CDK13: variants seen among roughly 807,000 people sequenced by gnomAD.
CDK13 encodes cyclin-dependent kinase 13.
CDK13 carries 40 observed loss-of-function variants against 137.6 expected under a neutral mutation model. The observed-to-expected ratio is 0.29, with a 90% CI of 0.23 to 0.38. The LOEUF (loss-of-function observed/expected upper bound fraction) is 0.38. Among genes scored for constraint, CDK13 ranks in the 10% least tolerant of loss-of-function variants. The pLI, the probability that CDK13 is intolerant of heterozygous loss-of-function variation, is 1.00. For synonymous variants in CDK13, 869 were observed against 760.1 expected, an observed-to-expected ratio of 1.14 and a Z score of -2.36; for missense variants, 1,704 against 1,951.8, an observed-to-expected ratio of 0.87 and a Z score of 2.39.
rs774861403 is a variant in CDK13 at position 39,951,589 on chromosome 7, C to T, written c.948C>T (p.Leu316=). 18 of 1,500,360 alleles carry T rather than the reference C, an allele frequency of 1.2e-5. No homozygotes were observed. Among genetic ancestry groups the T allele is most frequent in the Non-Finnish European group, 1.6e-5 (18 of 1,126,680 alleles). 92.9% of individuals were successfully genotyped at this position (1,500,360 alleles called of 1,614,324 possible). ...AGGCCTACAGGCGGCGGCGGTCCCT[C>T]AGCCCACTGGGAGGCCGGGACGACA... is the stretch of plus-strand genomic sequence containing the variant. ...EPKAYRRRRS[L]SPLGGRDDSP... is the part of the protein sequence containing the mutation. Residue 316 remains leucine (L), a synonymous_variant, in exon 1 of 14, where the codon CTC becomes CTT. Coordinates refer to ENST00000181839, the MANE Select transcript of CDK13 (RefSeq NM_003718.5).
intron 1 of CDK13, among the ~76,000 whole-genome samples, chr7:39,959,503 CT>C (rs199597507): frequency 0.022 from 2,818 of 130,918 alleles, 81 homozygotes; most frequent in African/African-American, 0.12. Flanking sequence ...GGGTCTCACT[CT>C]GTCACCCAGG....
In CDK13 at chr7:39,951,386, G is replaced by C. The variant is rs1554317237; in HGVS notation, c.745G>C (p.Gly249Arg). The C allele has an allele frequency of 1.3e-6, 2 of 1,521,360 alleles. No individual in the cohort carries two copies. Among genetic ancestry groups the C allele is most frequent in the South Asian group, 2.4e-5 (2 of 82,228 alleles). The allele number at this position is 1,521,360 out of a possible 1,614,324, so 94.2% of individuals were successfully genotyped here. ...GGAACGGGCCGAGGTCGCCAAGAGC[G>C]GCAGCAGCAGCAGCAGCGGCGGCCG... Reference protein sequence around the residue: ...GEERAEVAKSGSSSSSGGRRK... With the variant: ...GEERAEVAKSRSSSSSGGRRK... The change falls in exon 1 of 14, where the codon GGC (glycine) becomes CGC (arginine). Residue 249 changes from glycine to arginine, a missense_variant. Coordinates refer to ENST00000181839, the MANE Select transcript of CDK13 (RefSeq NM_003718.5).
chr7:40,043,836 AAAAAAAAG>A (rs1785670765), intron 5 of CDK13, among the ~76,000 whole-genome samples: 1 of 147,812 alleles, frequency 6.8e-6, no homozygotes, highest in African/African-American at 2.4e-5. Context: ...TGTCTCAAAA[AAAAAAAAG>A]AAAAGAAAAA....
intron 5 of CDK13, among the ~76,000 whole-genome samples, chr7:40,007,310 CAT>C (rs1469087443): frequency 3.9e-5 from 6 of 152,250 alleles, no homozygotes; most frequent in Non-Finnish European, 7.3e-5. Context: ...GAAGTCCTCA[CAT>C]GTCACTCCCT....
intron 1 of CDK13, among the ~76,000 whole-genome samples, chr7:39,961,215 C>T (rs1200165946): frequency 1.3e-5 from 2 of 152,056 alleles, no homozygotes; most frequent in Non-Finnish European, 2.9e-5. Context: ...AAAACATAGC[C>T]AAGCATGGTG....
intron 2 of CDK13, among the ~76,000 whole-genome samples, chr7:39,993,363 G>A (rs1200019665): frequency 2.6e-5 from 4 of 151,932 alleles, no homozygotes; most frequent in African/African-American, 9.7e-5. Context: ...CACATTGTCC[G>A]AAATTTGGCC....
intron 5 of CDK13, among the ~76,000 whole-genome samples, chr7:40,008,096 T>C (rs375163384): frequency 1.3e-5 from 2 of 152,222 alleles, no homozygotes; most frequent in Non-Finnish European, 2.9e-5. Context: ...ACTGCTGATA[T>C]CTCCTGAGGT....
chr7:39,984,788 A>C (rs1006044011), intron 1 of CDK13: 7 of 152,258 alleles, frequency 4.6e-5, no homozygotes, highest in African/African-American at 1.7e-4. Context: ...AGCCTGGCTA[A>C]CATGGTGAAA....
At chr7:40,043,057 C>T (rs1785649673) in intron 5 of CDK13, among the ~76,000 whole-genome samples, 1 of 152,192 alleles carries the variant, frequency 6.6e-6, no homozygotes, top group Non-Finnish European at 1.5e-5. Context: ...GGATTACTGG[C>T]GTGAGCTACC....
intron 11 of CDK13, among the ~76,000 whole-genome samples, chr7:40,080,673 T>C (rs1266081126): frequency 6.6e-6 from 1 of 152,196 alleles, no homozygotes; most frequent in Non-Finnish European, 1.5e-5. Context: ...TCAAATAACA[T>C]TTTTTAAACT....
At chr7:40,083,418 A>G (rs1195922366) in intron 11 of CDK13, among the ~76,000 whole-genome samples, 1 of 152,092 alleles carries the variant, frequency 6.6e-6, no homozygotes, top group African/African-American at 2.4e-5. Flanking sequence ...ATGAAATGAC[A>G]TTTTCTAGTA....
At chr7:39,976,327 A>ACG (rs1784110978) in intron 1 of CDK13, among the ~76,000 whole-genome samples, 2 of 39,752 alleles carry the variant, frequency 5.0e-5, no homozygotes, top group African/African-American at 1.2e-4. Flanking sequence ...TCTCTCTCAC[A>ACG]CACACACACA....
intron 5 of CDK13, among the ~76,000 whole-genome samples, chr7:40,018,151 G>A (rs183026949): frequency 6.6e-6 from 1 of 152,080 alleles, no homozygotes; most frequent in African/African-American, 2.4e-5. Context: ...AAATTTGGCT[G>A]GAATTACATT....
At chr7:40,027,068 G>A (rs1300659652) in intron 5 of CDK13, among the ~76,000 whole-genome samples, 1 of 152,196 alleles carries the variant, frequency 6.6e-6, no homozygotes, top group Non-Finnish European at 1.5e-5. Flanking sequence ...ATTAGGCTGA[G>A]TGCAGTGGCT....
At chr7:39,995,049 T>C (rs148621553) in intron 2 of CDK13, among the ~76,000 whole-genome samples, 146 of 152,212 alleles carry the variant, frequency 9.6e-4, no homozygotes, top group African/African-American at 3.4e-3. Flanking sequence ...CTAATTTTAT[T>C]TCTTCAGTCA....
chr7:40,020,953 T>C (rs1431052307), intron 5 of CDK13, among the ~76,000 whole-genome samples: 1 of 151,892 alleles, frequency 6.6e-6, no homozygotes, highest in Non-Finnish European at 1.5e-5. Flanking sequence ...TAGCAGGGCG[T>C]GGTAGTGGGT....
chr7:40,048,780 ATT>A (rs1382550967), intron 7 of CDK13: 1 of 151,488 alleles, frequency 6.6e-6, no homozygotes, highest in Non-Finnish European at 1.5e-5. Context: ...AAAAAGTCTT[ATT>A]TTGTTAAATC....
chr7:40,060,853 A>C (rs1786127127), intron 7 of CDK13: 1 of 152,304 alleles, frequency 6.6e-6, no homozygotes, highest in Non-Finnish European at 1.5e-5. Flanking sequence ...AGATCACCTG[A>C]GGTCAGGAAT....
chr7:40,047,362 A>G (rs1373167618), intron 6 of CDK13, among the ~76,000 whole-genome samples: 1 of 152,182 alleles, frequency 6.6e-6, no homozygotes, highest in Non-Finnish European at 1.5e-5. Flanking sequence ...CATTTTAATT[A>G]ATAGACAGTG....
Sources: gnomAD v4.1 joint callset for allele counts (sites outside exome capture counted in the v4.1 genomes callset) on GRCh38, gnomAD v4.1.1 for gene constraint, MANE v1.5 for transcripts, NCBI Gene and HGNC (gene_info 2026-07-23, HGNC 2026-07-21) for gene names.